ADGRL2: variants seen among roughly 807,000 people sequenced by gnomAD.
The protein encoded by ADGRL2 is adhesion G protein-coupled receptor L2.
A neutral mutation model predicts 157.4 loss-of-function variants in ADGRL2; 44 were observed. The ratio of observed to expected loss-of-function variants is 0.28; its 90% CI spans 0.22 to 0.36. The LOEUF (loss-of-function observed/expected upper bound fraction) is 0.36, where lower values mean the gene tolerates loss of function less well. ADGRL2 is among the 10% of genes least tolerant of loss of function. ADGRL2 has a pLI of 1.00. For missense variants in ADGRL2, 1,510 were observed against 1,768.9 expected (o/e 0.85, Z 2.63); for synonymous variants, 585 against 624.7 (o/e 0.94, Z 0.95).
At chr1:81,951,895 A>G in intron 8 of ADGRL2, 62 bp from the exon 9 acceptor site, 1 of 1,315,236 alleles carries the variant, frequency 7.6e-7, no homozygotes, top group Non-Finnish European at 1.0e-6. Flanking sequence ...ATACTCAAGG[A>G]GAACTAGAAG....
At chr1:81,454,186 C>A (rs1403518062) in intron 2 of ADGRL2, among the ~76,000 whole-genome samples, 1 of 144,478 alleles carries the variant, frequency 6.9e-6, no homozygotes, top group South Asian at 2.2e-4. Context: ...TTTTCTTTTT[C>A]TTCTTCCTTT....
At chr1:81,724,195 G>A (rs569034641) in intron 1 of ADGRL2, among the ~76,000 whole-genome samples, 13 of 152,068 alleles carry the variant, frequency 8.5e-5, no homozygotes, top group African/African-American at 1.4e-4. Flanking sequence ...TTACTTGGCC[G>A]TGAGAATGCT....
chr1:81,597,679 G>A (rs2148618125), intron 3 of ADGRL2, among the ~76,000 whole-genome samples: 1 of 152,184 alleles, frequency 6.6e-6, no homozygotes, highest in South Asian at 2.1e-4. Context: ...CTTACAATGG[G>A]GTTACATCCG....
chr1:81,702,240 T>C (rs551762749), intron 1 of ADGRL2, among the ~76,000 whole-genome samples: 3 of 152,310 alleles, frequency 2.0e-5, no homozygotes, highest in African/African-American at 4.8e-5. Flanking sequence ...CTTTACACCA[T>C]TGGGTCTGAC....
Position 81,907,186 on chromosome 1 carries a change from T to C in ADGRL2, c.243T>C (p.Asn81=). 6.2e-7 allele frequency: 1 copy of C among 1,614,096 alleles called. No homozygotes were observed. Among genetic ancestry groups the C allele is most frequent in the Non-Finnish European group, 8.5e-7 (1 of 1,179,998 alleles). Residue 81 remains asparagine (N), a synonymous_variant, in exon 3 of 24, where the codon AAT becomes AAC. Coordinates refer to ENST00000686636, the MANE Select transcript of ADGRL2 (RefSeq NM_001366006.2). ...ICDADPFQME[N]TDCYLPDAFK... ...ATGCTGACCCATTTCAGATGGAGAA[T>C]ACAGACTGCTACCTCCCCGATGCCT...
intron 1 of ADGRL2, among the ~76,000 whole-genome samples, chr1:81,306,906 A>G (rs1659377617): frequency 1.3e-5 from 2 of 152,024 alleles, no homozygotes; most frequent in Admixed American, 6.6e-5. Flanking sequence ...GCCCTCCTGC[A>G]GCATTTTCTG....
At chr1:81,721,350 C>A (rs1341334963) in intron 1 of ADGRL2, among the ~76,000 whole-genome samples, 1 of 152,112 alleles carries the variant, frequency 6.6e-6, no homozygotes, top group Non-Finnish European at 1.5e-5. Flanking sequence ...GCTTTTAGTT[C>A]ATTCACTTTC....
At chr1:81,314,205 G>A (rs537959594) in intron 1 of ADGRL2, among the ~76,000 whole-genome samples, 8 of 152,262 alleles carry the variant, frequency 5.3e-5, no homozygotes, top group Non-Finnish European at 8.8e-5. Context: ...CTGCTGTGAC[G>A]TAATCTTCAT....
At chr1:81,419,110 G>C (rs938391713) in intron 1 of ADGRL2, among the ~76,000 whole-genome samples, 1 of 152,168 alleles carries the variant, frequency 6.6e-6, no homozygotes, top group Non-Finnish European at 1.5e-5. Flanking sequence ...TCAATAACTG[G>C]CAAAAATAAA....
chr1:81,569,972 A>C (rs2080649675), intron 2 of ADGRL2, among the ~76,000 whole-genome samples: 1 of 152,202 alleles, frequency 6.6e-6, no homozygotes, highest in Admixed American at 6.5e-5. Flanking sequence ...CTGTTGGCAG[A>C]AAGCTCAGTT....
intron 3 of ADGRL2, among the ~76,000 whole-genome samples, chr1:81,653,049 G>A (rs757097158): frequency 9.2e-5 from 14 of 151,982 alleles, no homozygotes; most frequent in Non-Finnish European, 1.5e-4. Flanking sequence ...TATTCCTGTG[G>A]TCTCTGTAAC....
chr1:81,739,507 G>A (rs527556928), intron 1 of ADGRL2, among the ~76,000 whole-genome samples: 3 of 152,226 alleles, frequency 2.0e-5, no homozygotes, highest in South Asian at 4.2e-4. Context: ...GAGAGCCAAG[G>A]TGAGCTCTTA....
intron 2 of ADGRL2, among the ~76,000 whole-genome samples, chr1:81,903,223 C>T (rs2094520614): frequency 6.6e-6 from 1 of 152,160 alleles, no homozygotes; most frequent in African/African-American, 2.4e-5. Flanking sequence ...TACAGTATAG[C>T]ATTTGCTGTC....
chr1:81,632,588 C>G (rs2082032617), intron 3 of ADGRL2, among the ~76,000 whole-genome samples: 1 of 152,082 alleles, frequency 6.6e-6, no homozygotes, highest in Non-Finnish European at 1.5e-5. Context: ...GAAACCCCGT[C>G]TCTACTGAAA....
intron 1 of ADGRL2, among the ~76,000 whole-genome samples, chr1:81,403,390 AAGC>A (rs779787636): frequency 6.6e-6 from 1 of 151,936 alleles, no homozygotes; most frequent in Non-Finnish European, 1.5e-5. Flanking sequence ...TCAACCTCCA[AAGC>A]AGCTGGGCCT....
chr1:81,363,807 C>A (rs2076019280), intron 1 of ADGRL2, among the ~76,000 whole-genome samples: 1 of 151,986 alleles, frequency 6.6e-6, no homozygotes, highest in Admixed American at 6.6e-5. Context: ...CATTGGGAGA[C>A]AAATTTCTGC....
chr1:81,403,996 C>T (rs11163278), intron 1 of ADGRL2, among the ~76,000 whole-genome samples: 63,601 of 151,342 alleles, frequency 0.42, 14,660 homozygotes, highest in East Asian at 0.6. Context: ...CAGGGTTTTG[C>T]CATGGTGGCC....
intron 2 of ADGRL2, among the ~76,000 whole-genome samples, chr1:81,500,777 G>A (rs1343473896): frequency 6.6e-6 from 1 of 152,116 alleles, no homozygotes; most frequent in Non-Finnish European, 1.5e-5. Flanking sequence ...TTAAGTAAAT[G>A]TACTTATTGT....
intron 1 of ADGRL2, among the ~76,000 whole-genome samples, chr1:81,441,050 T>C (rs1366654122): frequency 6.6e-6 from 1 of 152,182 alleles, no homozygotes; most frequent in Non-Finnish European, 1.5e-5. Context: ...ATCCCTGTTT[T>C]GTGTGATGTT....
Sources: gnomAD v4.1 joint callset for allele counts (sites outside exome capture counted in the v4.1 genomes callset) on GRCh38, gnomAD v4.1.1 for gene constraint, MANE v1.5 for transcripts, NCBI Gene and HGNC (gene_info 2026-07-23, HGNC 2026-07-21) for gene names.